Variants in COL5A1 observed in about 807,000 individuals in gnomAD.
The protein encoded by COL5A1 is collagen alpha-1(V) chain.
A neutral mutation model predicts 263.7 loss-of-function variants in COL5A1; 16 were observed. The observed-to-expected ratio is 0.06, with a 90% CI of 0.04 to 0.09. The LOEUF is 0.09. COL5A1 is among the 10% of genes least tolerant of loss of function. The pLI, the probability that COL5A1 is intolerant of heterozygous loss-of-function variation, is 1.00. For synonymous variants in COL5A1, 1,012 were observed against 1,004.5 expected, an observed-to-expected ratio of 1.01 and a Z score of -0.14; for missense variants, 2,036 against 2,540.5, an observed-to-expected ratio of 0.80 and a Z score of 4.27.
rs982817277 is a variant in COL5A1, at chr9:134,824,911, C to T, written c.4954+56C>T. On this transcript the variant is annotated intron_variant, in intron 62 of 65. Coordinates refer to ENST00000371817, the MANE Select transcript of COL5A1 (RefSeq NM_000093.5). ...CCAAAGCGGGCATGGACCTGCAGGA[C>T]ACATGGAGTGTGGCAAGGACAGTTC... 4.5e-5 allele frequency: 71 copies of T among 1,560,612 alleles called. No individual in the cohort carries two copies. In the African/African-American group the frequency reaches 8.8e-4, roughly 19 times the overall value.
chr9:134,825,953 C>T (rs745777888), intron 63 of COL5A1, 49 bp downstream of exon 63: 1 of 1,236,944 alleles, frequency 8.1e-7, no homozygotes, highest in Non-Finnish European at 1.2e-6. Flanking sequence ...GCGTCACAGA[C>T]AGGGCCATGC....
At chr9:134,781,112 A>G (rs1313746905) in intron 28 of COL5A1, among the ~76,000 whole-genome samples, 1 of 152,180 alleles carries the variant, frequency 6.6e-6, no homozygotes, top group Non-Finnish European at 1.5e-5. Flanking sequence ...TTTCTTGTGA[A>G]ATCTGCCGGC....
At chr9:134,827,287 G>A (rs750399902) in intron 63 of COL5A1, among the ~76,000 whole-genome samples, 2 of 152,210 alleles carry the variant, frequency 1.3e-5, no homozygotes, top group Non-Finnish European at 2.9e-5. Flanking sequence ...TAGCCACTTT[G>A]GGTTAGGAGC....
At chr9:134,738,426 C>A in intron 9 of COL5A1, 48 bp from the exon 10 acceptor site, 1 of 1,611,270 alleles carries the variant, frequency 6.2e-7, no homozygotes, top group South Asian at 1.1e-5. Flanking sequence ...TCTGGGGTGT[C>A]GGGAGGGATG....
intron 25 of COL5A1, among the ~76,000 whole-genome samples, chr9:134,772,182 G>A (rs957421825): frequency 6.6e-6 from 1 of 152,202 alleles, no homozygotes; most frequent in Non-Finnish European, 1.5e-5. Context: ...ACTCACGGAT[G>A]TGCTGGGACC....
At chr9:134,835,248 G>T in intron 65 of COL5A1, 44 bp downstream of exon 65, 1 of 1,546,532 alleles carries the variant, frequency 6.5e-7, no homozygotes. Context: ...TCACGCCTCC[G>T]TGGGGCTCGC....
In COL5A1 at chr9:134,730,225, T is replaced by G; in HGVS notation, c.925-11T>G. Reference sequence around the variant, plus strand: ...GCCCTGACTCCAGCTGTCTCTGTCCTTGGCTCCCAGGAGCTGACCCCGACC... The same window carrying G: ...GCCCTGACTCCAGCTGTCTCTGTCCGTGGCTCCCAGGAGCTGACCCCGACC... On this transcript the variant is annotated splice_polypyrimidine_tract_variant and intron_variant, in intron 6 of 65. Coordinates refer to ENST00000371817, the MANE Select transcript of COL5A1 (RefSeq NM_000093.5). 6.2e-7 allele frequency: 1 copy of G among 1,612,982 alleles called. No homozygotes were observed. Among genetic ancestry groups the G allele is most frequent in the African/African-American group, 1.3e-5 (1 of 75,068 alleles).
chr9:134,708,827 G>C (rs1156256753), intron 4 of COL5A1: 1 of 456,662 alleles, frequency 2.2e-6, no homozygotes. Context: ...CCAAGATCGA[G>C]GTGTGGGCGG....
chr9:134,815,813 C>A, intron 51 of COL5A1, 122 bp from the exon 52 acceptor site: 1 of 1,335,316 alleles, frequency 7.5e-7, no homozygotes, highest in Non-Finnish European at 1.1e-6. Context: ...ACTGACCATG[C>A]TCTGTGCTGG....
rs1564449321 is a variant in COL5A1 at position 134,772,771 on chromosome 9, GCTT to G, written c.2287-12_2287-10del. On this transcript the variant is annotated splice_polypyrimidine_tract_variant and intron_variant, in intron 25 of 65. Coordinates refer to ENST00000371817, the MANE Select transcript of COL5A1 (RefSeq NM_000093.5). The stretch of plus-strand genomic sequence containing the variant: ...TCTGGAGTGGCACTGACTAATCAAT[GCTT>G]CTTCTTTTGTGACAGGGACACCCTG... 6.2e-6 allele frequency: 10 copies of G among 1,614,036 alleles called. No individual in the cohort carries two copies. Among genetic ancestry groups the G allele is most frequent in the East Asian group, 2.2e-5 (1 of 44,878 alleles).
At chr9:134,774,396 A>C (rs892345408) in intron 26 of COL5A1, among the ~76,000 whole-genome samples, 6 of 152,134 alleles carry the variant, frequency 3.9e-5, no homozygotes, top group Non-Finnish European at 5.9e-5. Context: ...CATGAGCTCT[A>C]GTTGAGCATC....
At chr9:134,823,560 C>T in intron 61 of COL5A1, 91 bp downstream of exon 61, 2 of 1,364,490 alleles carry the variant, frequency 1.5e-6, no homozygotes, top group South Asian at 1.2e-5. Context: ...GTGACCCCTC[C>T]TGAGACTCAT....
chr9:134,739,809 G>T (rs1835235823), intron 11 of COL5A1, among the ~76,000 whole-genome samples: 1 of 152,188 alleles, frequency 6.6e-6, no homozygotes, highest in African/African-American at 2.4e-5. Context: ...TCAGGCAGCA[G>T]GATGCAGGGG....
chr9:134,842,639 C>G lies in COL5A1; in HGVS notation c.*336C>G, dbSNP rs910129422. 3 of 448,520 alleles carry G rather than the reference C, an allele frequency of 6.7e-6. No individual in the cohort carries two copies. The South Asian group carries it at 8.8e-5, about 13-fold the overall frequency. The allele number at this position is 448,520 out of a possible 1,614,324, so 27.8% of individuals were successfully genotyped here. ...CGACCCATCCTGTTCGTGAATAGGT[C>G]TCAGGGGTTGGGGGAGGGACTGCCA... On this transcript the variant is annotated 3_prime_UTR_variant, in exon 66 of 66. Coordinates refer to ENST00000371817, the MANE Select transcript of COL5A1 (RefSeq NM_000093.5). This position sits in a 1 kb window ranked among gnomAD's most constrained non-coding sequence, Gnocchi z 5.8.
chr9:134,794,704 T>C lies in COL5A1; in HGVS notation c.2701-378T>C. On this transcript the variant is annotated intron_variant, in intron 32 of 65. Transcript: ENST00000371817. The surrounding 1 kb of genome is among the most constrained non-coding windows in gnomAD (Gnocchi z 4.3). ...TTCTTCTCTTTTCTTGCAATAATGATTTCCCTCCCTGCTGAGGACAGAGAG... is the reference window on the plus strand; with the variant it reads ...TTCTTCTCTTTTCTTGCAATAATGACTTCCCTCCCTGCTGAGGACAGAGAG... 6.6e-6 allele frequency among the ~76,000 whole-genome samples: 1 copy of C among 151,980 alleles called. No homozygotes were observed. Among genetic ancestry groups the C allele is most frequent in the East Asian group, 1.9e-4 (1 of 5,146 alleles).
At chr9:134,767,125 T>C in intron 23 of COL5A1, 72 bp downstream of exon 23, 12 of 1,557,298 alleles carry the variant, frequency 7.7e-6, no homozygotes, top group South Asian at 1.1e-5. Flanking sequence ...TCCGGAGCCC[T>C]GGGAGGAAGC....
At chr9:134,694,579 C>T (rs1202307402) in intron 2 of COL5A1, among the ~76,000 whole-genome samples, 1 of 152,250 alleles carries the variant, frequency 6.6e-6, no homozygotes, top group East Asian at 1.9e-4. Flanking sequence ...TTTCCCCCCT[C>T]ATTCGAAGAG....
At chr9:134,714,859 G>A (rs1178982059) in intron 4 of COL5A1, among the ~76,000 whole-genome samples, 1 of 144,988 alleles carries the variant, frequency 6.9e-6, no homozygotes, top group Non-Finnish European at 1.5e-5. Context: ...GAAGGTGGTA[G>A]TGGAGGTGAT....
chr9:134,710,921 C>CATCT (rs1834018824), intron 4 of COL5A1, among the ~76,000 whole-genome samples: 1 of 101,358 alleles, frequency 9.9e-6, no homozygotes, highest in Non-Finnish European at 2.0e-5. Context: ...GGAGGGGCCC[C>CATCT]GTCTGTTGGG....
Sources: gnomAD v4.1 joint callset for allele counts (sites outside exome capture counted in the v4.1 genomes callset) on GRCh38, gnomAD v4.1.1 for gene constraint, Gnocchi (gnomAD v3.1) non-coding constraint, MANE v1.5 for transcripts, NCBI Gene and HGNC (gene_info 2026-07-23, HGNC 2026-07-21) for gene names.